SLC10A7: variants seen among roughly 807,000 people sequenced by gnomAD.
The protein encoded by SLC10A7 is sodium/bile acid cotransporter 7.
SLC10A7 carries 29 observed loss-of-function variants against 43.2 expected under a neutral mutation model. The ratio of observed to expected loss-of-function variants is 0.67; its 90% CI spans 0.50 to 0.92. SLC10A7 has a LOEUF of 0.92. SLC10A7 is among the 40% of genes least tolerant of loss of function. The pLI is 0.00. For missense variants in SLC10A7, 295 were observed against 403.2 expected, an observed-to-expected ratio of 0.73 and a Z score of 2.30; for synonymous variants, 152 against 144.8, an observed-to-expected ratio of 1.05 and a Z score of -0.35.
At chr4:146,449,671 C>T (rs1731409968) in intron 4 of SLC10A7, among the ~76,000 whole-genome samples, 1 of 151,914 alleles carries the variant, frequency 6.6e-6, no homozygotes, top group African/African-American at 2.4e-5. Flanking sequence ...CACAAACCAC[C>T]ACCACCACCA....
chr4:146,291,456 G>A (rs1487032104), intron 9 of SLC10A7, among the ~76,000 whole-genome samples: 2 of 152,160 alleles, frequency 1.3e-5, no homozygotes, highest in Admixed American at 6.5e-5. Flanking sequence ...CCTAATGTGA[G>A]AGCCTGCACC....
In SLC10A7 at chr4:146,319,281, TCCCA is replaced by T. The variant is rs1732534556; in HGVS notation, c.471+6676_471+6679del. 5.9e-5 allele frequency among the ~76,000 whole-genome samples: 9 copies of T among 152,054 alleles called. No individual in the cohort carries two copies. The South Asian group carries it at 1.9e-3, about 32-fold the overall frequency. ...TGTTTCTTAAGGACACTGGGTATAC[TCCCA>T]GGACCTTTGCACTTAGTGTTCCTTC... is the stretch of plus-strand genomic sequence containing the variant. On this transcript the variant is annotated intron_variant, in intron 6 of 11. Transcript: ENST00000335472.
intron 5 of SLC10A7, among the ~76,000 whole-genome samples, chr4:146,367,520 T>C (rs1736480704): frequency 6.6e-6 from 1 of 152,196 alleles, no homozygotes; most frequent in Admixed American, 6.5e-5. Flanking sequence ...AAAACCCCAA[T>C]TGTTTATGCA....
intron 7 of SLC10A7, among the ~76,000 whole-genome samples, chr4:146,299,387 G>T (rs1299661722): frequency 6.6e-6 from 1 of 152,092 alleles, no homozygotes; most frequent in Non-Finnish European, 1.5e-5. Context: ...GTTTAAGAGA[G>T]AAATAAAAAG....
chr4:146,337,965 A>T (rs1054351779), intron 5 of SLC10A7, among the ~76,000 whole-genome samples: 14 of 152,126 alleles, frequency 9.2e-5, no homozygotes, highest in African/African-American at 3.1e-4. Flanking sequence ...ACATGAAAAT[A>T]AGGCACTAAG....
intron 5 of SLC10A7, among the ~76,000 whole-genome samples, chr4:146,371,149 T>TATG (rs1277864973): frequency 6.6e-6 from 1 of 152,198 alleles, no homozygotes; most frequent in Non-Finnish European, 1.5e-5. Context: ...TGTACTCTGA[T>TATG]ATGACAGAAC....
At position 146,454,658 on chromosome 4, in the gene SLC10A7, T is replaced by C. The variant is rs989327345; in HGVS notation, c.397-11837A>G. 2.0e-5 allele frequency among the ~76,000 whole-genome samples: 3 copies of C among 152,034 alleles called. No homozygotes were observed. The East Asian group carries it at 5.8e-4, about 29-fold the overall frequency. ...ATTATGTTAAGAATTTTAGAGGCTC[T>C]CTCTTTAATCTTTAGGCAAACTTTG... On this transcript the variant is annotated intron_variant, in intron 4 of 11. Transcript: ENST00000335472.
chr4:146,256,792 C>T, intron 11 of SLC10A7: 4 of 1,452,760 alleles, frequency 2.8e-6, no homozygotes, highest in Non-Finnish European at 3.7e-6. Context: ...TCAATCAGTA[C>T]TGTGTGCAAA....
intron 5 of SLC10A7, among the ~76,000 whole-genome samples, chr4:146,430,032 A>C (rs1729657233): frequency 6.7e-6 from 1 of 148,844 alleles, no homozygotes; most frequent in Non-Finnish European, 1.5e-5. Flanking sequence ...AAAAACAAAA[A>C]TTAAAACTTA....
intron 5 of SLC10A7, among the ~76,000 whole-genome samples, chr4:146,409,542 A>G (rs1250542186): frequency 6.6e-6 from 1 of 152,178 alleles, no homozygotes; most frequent in Non-Finnish European, 1.5e-5. Flanking sequence ...TCTTGATTAT[A>G]GTGGTCATTA....
At chr4:146,326,544 A>G (rs1238007855) in intron 5 of SLC10A7, among the ~76,000 whole-genome samples, 4 of 152,200 alleles carry the variant, frequency 2.6e-5, no homozygotes, top group Non-Finnish European at 5.9e-5. Context: ...CAAGTCTTTC[A>G]TCTAATTCAG....
At chr4:146,483,084 C>T (rs1349291629) in intron 4 of SLC10A7, among the ~76,000 whole-genome samples, 1 of 152,028 alleles carries the variant, frequency 6.6e-6, no homozygotes, top group East Asian at 1.9e-4. Flanking sequence ...ACAAGAAGTA[C>T]TAAAAGGAGT....
rs192443951 is a variant in SLC10A7 at position 146,293,411 on chromosome 4, C to T, written c.722-431G>A. Among the ~76,000 whole-genome samples, 8 of 152,260 alleles carry T rather than the reference C, an allele frequency of 5.3e-5. No individual in the cohort carries two copies. In the East Asian group the frequency reaches 1.5e-3, roughly 29 times the overall value. On this transcript the variant is annotated intron_variant, in intron 8 of 11. Transcript: ENST00000335472. ...ATAGAACAAAAGGTTGCTTTTTGAGCTTTAGCAGTTTCCTGCATTTTATAG... is the reference window on the plus strand; with the variant it reads ...ATAGAACAAAAGGTTGCTTTTTGAGTTTTAGCAGTTTCCTGCATTTTATAG...
chr4:146,482,849 G>A (rs909371983), intron 4 of SLC10A7, among the ~76,000 whole-genome samples: 1 of 152,044 alleles, frequency 6.6e-6, no homozygotes. Context: ...CAACAAAAGA[G>A]TCAAGTCACA....
At chr4:146,494,856 G>A (rs1274545378) in intron 4 of SLC10A7, among the ~76,000 whole-genome samples, 3 of 152,252 alleles carry the variant, frequency 2.0e-5, no homozygotes, top group African/African-American at 7.2e-5. Flanking sequence ...AAGACAATTT[G>A]CTGGGCAACA....
intron 5 of SLC10A7, among the ~76,000 whole-genome samples, chr4:146,407,595 G>A (rs1041069854): frequency 1.3e-5 from 2 of 152,132 alleles, no homozygotes; most frequent in South Asian, 2.1e-4. Flanking sequence ...TAACAAATAC[G>A]TATTTATTCA....
chr4:146,363,344 C>G (rs993374157), intron 5 of SLC10A7, among the ~76,000 whole-genome samples: 30 of 152,116 alleles, frequency 2.0e-4, no homozygotes, highest in African/African-American at 7.2e-4. Flanking sequence ...GCACTCAATG[C>G]AGCATCCAGT....
intron 5 of SLC10A7, among the ~76,000 whole-genome samples, chr4:146,389,498 T>G (rs1738260893): frequency 6.6e-6 from 1 of 152,166 alleles, no homozygotes; most frequent in African/African-American, 2.4e-5. Context: ...GAAATAAATG[T>G]TTTTGTTAAA....
At chr4:146,510,264 T>TC (rs1299585439) in intron 2 of SLC10A7, among the ~76,000 whole-genome samples, 3 of 149,034 alleles carry the variant, frequency 2.0e-5, no homozygotes, top group African/African-American at 7.4e-5. Flanking sequence ...TTTCTTAAAT[T>TC]TTTTTTTTTT....
Sources: allele counts gnomAD v4.1 joint callset (sites outside exome capture counted in the v4.1 genomes callset), GRCh38; gene constraint gnomAD v4.1.1; transcripts MANE v1.5; gene names NCBI Gene and HGNC (gene_info 2026-07-23, HGNC 2026-07-21).